The following TJP1 variants were observed in gnomAD, a reference collection of about 807,000 sequenced individuals.
TJP1 encodes tight junction protein 1.
A neutral mutation model predicts 194.2 loss-of-function variants in TJP1; 43 were observed. That is an observed-to-expected ratio of 0.22 (90% CI 0.17 to 0.29). TJP1 has a LOEUF of 0.29. TJP1 is among the 10% of genes least tolerant of loss of function. The pLI is 1.00. For synonymous variants in TJP1, 801 were observed against 779.0 expected (o/e 1.03, Z -0.47); for missense variants, 1,971 against 2,185.7 (o/e 0.90, Z 1.96).
At chr15:29,785,576 T>C (rs1359368522) in intron 2 of TJP1, among the ~76,000 whole-genome samples, 4 of 152,230 alleles carry the variant, frequency 2.6e-5, no homozygotes, top group Non-Finnish European at 4.4e-5. Context: ...TCTGTTCCTA[T>C]TGAATATGCC....
At chr15:29,861,258 C>T (rs1596127350) in intron 2 of TJP1, among the ~76,000 whole-genome samples, 1 of 152,200 alleles carries the variant, frequency 6.6e-6, no homozygotes, top group East Asian at 1.9e-4. Flanking sequence ...ATTTTACATT[C>T]CCACCAGCAC....
chr15:29,932,677 A>G (rs973061405), intron 2 of TJP1, among the ~76,000 whole-genome samples: 20 of 152,192 alleles, frequency 1.3e-4, no homozygotes, highest in African/African-American at 4.8e-4. Flanking sequence ...ATTACTGACA[A>G]GAAGACATTT....
chr15:29,968,215 T>C (rs1380451531), intron 1 of TJP1: 2 of 985,432 alleles, frequency 2.0e-6, no homozygotes, highest in Non-Finnish European at 2.4e-6. Flanking sequence ...TCCTCTACTA[T>C]GCACTCAGCA....
chr15:29,863,819 G>A (rs2052190358), intron 2 of TJP1, among the ~76,000 whole-genome samples: 3 of 152,178 alleles, frequency 2.0e-5, no homozygotes, highest in Admixed American at 1.3e-4. Flanking sequence ...CAAAGCTTTT[G>A]CTGAACTTGC....
chr15:29,829,718 G>T (rs1188425615), intron 2 of TJP1, among the ~76,000 whole-genome samples: 2 of 151,700 alleles, frequency 1.3e-5, no homozygotes, highest in Non-Finnish European at 2.9e-5. Flanking sequence ...CAATGTGTGT[G>T]TTATAAAACC....
At chr15:29,968,808 C>T (rs2056421596) in exon 1 of TJP1, 2 of 1,166,892 alleles carry the variant, frequency 1.7e-6, no homozygotes, top group Middle Eastern at 2.3e-4. Flanking sequence ...CCTCCGCCGC[C>T]GCCGCAGACA....
intron 1 of TJP1, chr15:29,968,562 G>GC: frequency 2.5e-6 from 2 of 813,208 alleles, no homozygotes; most frequent in Non-Finnish European, 3.0e-6. Flanking sequence ...TCGCGGCCTC[G>GC]CCCCCCGCCC....
intron 1 of TJP1, among the ~76,000 whole-genome samples, chr15:29,959,738 T>G (rs1049612689): frequency 6.6e-6 from 1 of 152,218 alleles, no homozygotes; most frequent in Non-Finnish European, 1.5e-5. Flanking sequence ...CATTCTTTAT[T>G]GTTTACTCAG....
At chr15:29,922,814 A>G (rs1027072501) in intron 2 of TJP1, among the ~76,000 whole-genome samples, 2 of 152,210 alleles carry the variant, frequency 1.3e-5, no homozygotes, top group Non-Finnish European at 2.9e-5. Flanking sequence ...CAGTAACAAG[A>G]TATTGTTAAA....
chr15:29,799,589 G>C (rs1475371470), intron 2 of TJP1, among the ~76,000 whole-genome samples: 2 of 151,738 alleles, frequency 1.3e-5, no homozygotes, highest in Non-Finnish European at 2.9e-5. Flanking sequence ...TAATTTTTTT[G>C]TATTTTTAGT....
intron 1 of TJP1, among the ~76,000 whole-genome samples, chr15:29,813,344 C>T (rs910917635): frequency 3.3e-5 from 5 of 152,120 alleles, no homozygotes; most frequent in African/African-American, 1.2e-4. Flanking sequence ...CCTCATAATG[C>T]ATATCTAATT....
rs191590419 is a variant in TJP1 at position 29,877,019 on chromosome 15, T to C, written c.307-76317A>G. On this transcript the variant is annotated intron_variant, in intron 2 of 28. Coordinates refer to the TJP1 transcript ENST00000356107. ...GGGTTGACTCAGTTTCTCCTCACTTTTGTCAAAATTTTCTGTGTAACATGC... is the reference window on the plus strand; with the variant it reads ...GGGTTGACTCAGTTTCTCCTCACTTCTGTCAAAATTTTCTGTGTAACATGC... 6.4e-3 allele frequency among the ~76,000 whole-genome samples: 976 copies of C among 152,340 alleles called. 25 individuals carry two copies. The highest frequency in any genetic ancestry group is 5.3e-3 in the Non-Finnish European group (358 of 68,026).
chr15:29,769,628 G>A (rs964220403), intron 4 of TJP1, among the ~76,000 whole-genome samples: 4 of 152,062 alleles, frequency 2.6e-5, no homozygotes, highest in Non-Finnish European at 5.9e-5. Flanking sequence ...GTAAAACAAC[G>A]GACAGCACGT....
chr15:29,791,134 C>A (rs2048054763), intron 2 of TJP1, among the ~76,000 whole-genome samples: 1 of 152,014 alleles, frequency 6.6e-6, no homozygotes, highest in African/African-American at 2.4e-5. Flanking sequence ...TGAAGCAATT[C>A]CCCTGCCTCA....
chr15:29,743,331 T>C (rs2044550713), intron 8 of TJP1, among the ~76,000 whole-genome samples: 1 of 152,246 alleles, frequency 6.6e-6, no homozygotes, highest in Non-Finnish European at 1.5e-5. Flanking sequence ...ATGGGAATTC[T>C]TTAGTTCAAA....
intron 2 of TJP1, among the ~76,000 whole-genome samples, chr15:29,949,567 TTCCACAACCACCACCTCCACC>T (rs1567225414): frequency 1.8e-4 from 2 of 10,902 alleles, no homozygotes; most frequent in Non-Finnish European, 3.8e-4. Flanking sequence ...CCACCTCCAC[TTCCACAACCACCACCTCCACC>T]TCCACAACCA....
Position 29,761,185 on chromosome 15 carries a change from G to C in TJP1, c.964C>G (p.Pro322Ala). 1 of 1,613,912 alleles carries C rather than the reference G, an allele frequency of 6.2e-7. No individual in the cohort carries two copies. The highest frequency in any genetic ancestry group is 8.5e-7 in the Non-Finnish European group (1 of 1,179,954). The change falls in exon 8 of 28, where the codon CCT becomes GCT. Residue 322 changes from proline (P) to alanine (A), a missense_variant. Around this residue, in one of 5 missense-constraint regions of TJP1, gnomAD observed 192 missense variants for 182.3 expected, o/e 1.05. Transcript: ENST00000614355. ...GGCGAGTGCCTGGAATGATCAGAAG[G>C]CTCTGACCGCTGGTCAGGAGATCGT... The part of the protein sequence containing the change: ...RSRSPDQRSE[P>A]SDHSRHSPQQ...
At chr15:29,846,993 C>T (rs2051437471) in intron 2 of TJP1, among the ~76,000 whole-genome samples, 1 of 152,152 alleles carries the variant, frequency 6.6e-6, no homozygotes. Context: ...GAATACATAT[C>T]AATGCCTGAT....
At chr15:29,796,808 G>A (rs903562521) in intron 2 of TJP1, among the ~76,000 whole-genome samples, 3 of 152,112 alleles carry the variant, frequency 2.0e-5, no homozygotes, top group Non-Finnish European at 2.9e-5. Context: ...ATAAGTAACT[G>A]GTAAAAAGGC....
Sources: allele counts gnomAD v4.1 joint callset (sites outside exome capture counted in the v4.1 genomes callset), GRCh38; gene constraint gnomAD v4.1.1; regional missense constraint gnomAD v4.1.1; transcripts MANE v1.5; gene names NCBI Gene and HGNC (gene_info 2026-07-23, HGNC 2026-07-21).